RBFOX1: variants seen among roughly 807,000 people sequenced by gnomAD.
The protein encoded by RBFOX1 is RNA binding protein fox-1 homolog 1.
A neutral mutation model predicts 57.7 loss-of-function variants in RBFOX1; 8 were observed. The observed-to-expected ratio is 0.14, with a 90% CI of 0.08 to 0.25. RBFOX1 has a LOEUF of 0.25. RBFOX1 is among the 10% of genes least tolerant of loss of function. The probability of loss-of-function intolerance (pLI) is 1.00; values close to 1 mark genes in which losing one functional copy is unlikely to be tolerated. For synonymous variants in RBFOX1, 326 were observed against 222.4 expected, an observed-to-expected ratio of 1.47 and a Z score of -4.15; for missense variants, 611 against 548.5, an observed-to-expected ratio of 1.11 and a Z score of -1.14.
rs183518477 is a variant in RBFOX1, at chr16:6,989,737, C to A, written c.-15-62320C>A. ...AAAAGGGGTCAGGTGCTGTGGCTCA[C>A]ACCTGTAATTCCAGCACTTTGGGAG... On this transcript the variant is annotated intron_variant, in intron 3 of 15. Coordinates refer to ENST00000550418, the MANE Select transcript of RBFOX1 (RefSeq NM_018723.4). Among the ~76,000 whole-genome samples the A allele has an allele frequency of 1.4e-3, 220 of 152,242 alleles. 2 individuals carry two copies. Among genetic ancestry groups the A allele is most frequent in the African/African-American group, 5.2e-3 (216 of 41,548 alleles).
intron 2 of RBFOX1, among the ~76,000 whole-genome samples, chr16:6,524,537 G>A (rs937845859): frequency 1.3e-5 from 2 of 152,174 alleles, no homozygotes; most frequent in Non-Finnish European, 2.9e-5. Flanking sequence ...ATGAGGGTAA[G>A]GGTACCACAA....
At chr16:5,736,844 C>T (rs2151578738) in intron 3 of RBFOX1, among the ~76,000 whole-genome samples, 1 of 150,128 alleles carries the variant, frequency 6.7e-6, no homozygotes, top group Non-Finnish European at 1.5e-5. Flanking sequence ...TCTCTTTGTC[C>T]CTCTTTCCCC....
intron 2 of RBFOX1, among the ~76,000 whole-genome samples, chr16:5,562,227 C>T (rs2880384): frequency 0.21 from 32,675 of 152,086 alleles, 3,732 homozygotes; most frequent in South Asian, 0.35. Flanking sequence ...GGACACCATC[C>T]GTGGCAAAGT....
intron 3 of RBFOX1, among the ~76,000 whole-genome samples, chr16:5,715,983 C>G (rs914841124): frequency 6.6e-6 from 1 of 152,164 alleles, no homozygotes; most frequent in African/African-American, 2.4e-5. Context: ...ATAATTCTCT[C>G]ATTTGCTCCC....
chr16:7,338,639 T>G (rs1349260464), intron 4 of RBFOX1, among the ~76,000 whole-genome samples: 4 of 152,200 alleles, frequency 2.6e-5, no homozygotes, highest in African/African-American at 9.6e-5. Context: ...ACACACACAC[T>G]GTATTTTGAA....
At chr16:7,253,035 C>T (rs1167004438) in intron 4 of RBFOX1, among the ~76,000 whole-genome samples, 1 of 152,278 alleles carries the variant, frequency 6.6e-6, no homozygotes, top group Non-Finnish European at 1.5e-5. Context: ...AATGAGTGTT[C>T]TGCATCTTTT....
intron 1 of RBFOX1, chr16:5,365,825 C>A: frequency 3.9e-6 from 2 of 516,914 alleles, no homozygotes; most frequent in Non-Finnish European, 7.7e-6. Flanking sequence ...TGGACATGAG[C>A]CCCCTGAGGC....
chr16:7,510,937 A>G (rs181464501), intron 4 of RBFOX1, among the ~76,000 whole-genome samples: 118 of 152,328 alleles, frequency 7.7e-4, no homozygotes, highest in African/African-American at 2.8e-3. Flanking sequence ...AGTTAAGGCC[A>G]GAGGAGGTTC....
intron 2 of RBFOX1, among the ~76,000 whole-genome samples, chr16:6,402,428 T>G (rs2093111308): frequency 6.6e-6 from 1 of 152,254 alleles, no homozygotes; most frequent in Admixed American, 6.5e-5. Flanking sequence ...TGCTTTTTTT[T>G]CCTTTGGATC....
At chr16:5,411,393 A>G (rs538277645) in intron 1 of RBFOX1, among the ~76,000 whole-genome samples, 1 of 152,292 alleles carries the variant, frequency 6.6e-6, no homozygotes, top group South Asian at 2.1e-4. Context: ...GGAAGGGGCC[A>G]TGAGCCAAGG....
chr16:5,702,188 A>T (rs2051074634), intron 3 of RBFOX1, among the ~76,000 whole-genome samples: 1 of 152,194 alleles, frequency 6.6e-6, no homozygotes, highest in Non-Finnish European at 1.5e-5. Flanking sequence ...ACTCAGTTCC[A>T]CAGGCTTAAC....
chr16:6,318,806 A>AT (rs1194358244), intron 2 of RBFOX1, among the ~76,000 whole-genome samples: 3 of 151,854 alleles, frequency 2.0e-5, no homozygotes, highest in Admixed American at 6.6e-5. Flanking sequence ...AGCAGATATA[A>AT]TTTTTTTTAA....
At chr16:6,426,690 G>A (rs940352562) in intron 2 of RBFOX1, among the ~76,000 whole-genome samples, 1 of 152,128 alleles carries the variant, frequency 6.6e-6, no homozygotes, top group African/African-American at 2.4e-5. Flanking sequence ...CGGCAGAGAG[G>A]CCCCTATACC....
chr16:5,490,375 A>G (rs1487589461), intron 2 of RBFOX1, among the ~76,000 whole-genome samples: 1 of 152,206 alleles, frequency 6.6e-6, no homozygotes, highest in African/African-American at 2.4e-5. Context: ...AGCTTTGCTC[A>G]GGGGCACCTG....
chr16:6,357,795 A>G (rs1333020408), intron 2 of RBFOX1, among the ~76,000 whole-genome samples: 5 of 151,888 alleles, frequency 3.3e-5, no homozygotes, highest in African/African-American at 1.2e-4. Flanking sequence ...TACTAAAATT[A>G]CAAAAATTAG....
intron 1 of RBFOX1, among the ~76,000 whole-genome samples, chr16:6,219,947 T>A (rs1405520859): frequency 6.6e-6 from 1 of 152,180 alleles, no homozygotes; most frequent in East Asian, 1.9e-4. Flanking sequence ...TGAAAAGCTC[T>A]TAGCACAAAT....
chr16:6,178,465 C>G (rs1032837919), intron 1 of RBFOX1, among the ~76,000 whole-genome samples: 12 of 151,950 alleles, frequency 7.9e-5, no homozygotes, highest in Admixed American at 1.3e-4. Context: ...TAAGGTCACT[C>G]TTTCTTGTTT....
chr16:5,819,180 T>G (rs1053492026), intron 3 of RBFOX1, among the ~76,000 whole-genome samples: 10 of 152,158 alleles, frequency 6.6e-5, no homozygotes, highest in Non-Finnish European at 1.5e-4. Flanking sequence ...CAAATCAAGG[T>G]GTCAGCAGCT....
chr16:6,759,490 TG>T (rs2076293407), intron 3 of RBFOX1, among the ~76,000 whole-genome samples: 1 of 125,656 alleles, frequency 8.0e-6, no homozygotes, highest in Non-Finnish European at 1.7e-5. Flanking sequence ...TGTGTGTGTG[TG>T]TGTGTGTGTG....
Sources: allele counts gnomAD v4.1 joint callset (sites outside exome capture counted in the v4.1 genomes callset), GRCh38; gene constraint gnomAD v4.1.1; transcripts MANE v1.5; gene names NCBI Gene and HGNC (gene_info 2026-07-23, HGNC 2026-07-21).